GNG4: variants seen among roughly 807,000 people sequenced by gnomAD.
The protein encoded by GNG4 is guanine nucleotide-binding protein G(I)/G(S)/G(O) subunit gamma-4.
In GNG4, 4 loss-of-function variants were observed where a neutral mutation model predicts 5.8. The ratio of observed to expected loss-of-function variants is 0.69; its 90% CI spans 0.34 to 1.57. The LOEUF is 1.57. Ranked by LOEUF, GNG4 falls within the 40% of genes most tolerant of loss-of-function variation. GNG4 has a pLI of 0.06. For missense variants in GNG4, 96 were observed against 95.1 expected (o/e 1.01, Z -0.04); for synonymous variants, 29 against 32.9 (o/e 0.88, Z 0.41).
intron 1 of GNG4, among the ~76,000 whole-genome samples, chr1:235,596,212 ACACACACACAC>A (rs1688121271): frequency 1.9e-5 from 2 of 105,452 alleles, no homozygotes; most frequent in African/African-American, 8.0e-5. Flanking sequence ...AACAAAATAC[ACACACACACAC>A]ACACACACAC....
At chr1:235,620,433 G>C (rs1688685957) in intron 1 of GNG4, among the ~76,000 whole-genome samples, 1 of 152,252 alleles carries the variant, frequency 6.6e-6, no homozygotes, top group South Asian at 2.1e-4. Flanking sequence ...AACTTAGTGG[G>C]GCTGGAGACA....
chr1:235,587,597 G>A (rs1463893525), intron 2 of GNG4, among the ~76,000 whole-genome samples: 1 of 1,778 alleles, frequency 5.6e-4, no homozygotes, highest in Non-Finnish European at 1.6e-3. Flanking sequence ...GTGTGAGTGT[G>A]GGAGGGCATG....
chr1:235,603,886 G>T (rs151113334), intron 1 of GNG4, among the ~76,000 whole-genome samples: 124 of 152,248 alleles, frequency 8.1e-4, no homozygotes, highest in African/African-American at 2.8e-3. Context: ...CAGACCAGCG[G>T]TTATACTTAA....
intron 1 of GNG4, among the ~76,000 whole-genome samples, chr1:235,619,366 C>T (rs919421319): frequency 2.6e-5 from 4 of 151,674 alleles, no homozygotes; most frequent in African/African-American, 7.3e-5. Flanking sequence ...CACTGCACTC[C>T]GGCCTGGGTG....
At chr1:235,635,360 G>C (rs1328852714) in intron 1 of GNG4, among the ~76,000 whole-genome samples, 1 of 152,052 alleles carries the variant, frequency 6.6e-6, no homozygotes, top group Non-Finnish European at 1.5e-5. Flanking sequence ...TTCAGGTGTG[G>C]TGGTATGCGC....
chr1:235,589,558 T>A (rs954057038), intron 2 of GNG4, among the ~76,000 whole-genome samples: 4 of 152,138 alleles, frequency 2.6e-5, no homozygotes, highest in African/African-American at 9.7e-5. Flanking sequence ...CCCACTCCCC[T>A]CGAACCTCAG....
intron 3 of GNG4, among the ~76,000 whole-genome samples, chr1:235,561,037 G>A (rs1474165887): frequency 6.6e-6 from 1 of 152,136 alleles, no homozygotes; most frequent in African/African-American, 2.4e-5. Flanking sequence ...TTGAGACGGA[G>A]TCTCACTCTG....
At chr1:235,610,164 G>A (rs1016983492) in intron 1 of GNG4, among the ~76,000 whole-genome samples, 2 of 152,060 alleles carry the variant, frequency 1.3e-5, no homozygotes, top group Admixed American at 6.5e-5. Flanking sequence ...TGACTTTGAC[G>A]ACCCACAGCA....
At position 235,619,192 on chromosome 1, in the gene GNG4, T is replaced by C. The variant is rs7540785; in HGVS notation, c.-122-23681A>G. On this transcript the variant is annotated intron_variant, in intron 1 of 3. Transcript: ENST00000391854. ...ATATATATATACACACACATATATA[T>C]ACACACACACATATATATATATACA... Among the ~76,000 whole-genome samples, 132 of 129,642 alleles carry C rather than the reference T, an allele frequency of 1.0e-3. 1 individual carries two copies. The highest frequency in any genetic ancestry group is 3.6e-3 in the African/African-American group (122 of 34,232). The allele number at this position is 129,642 out of a possible 152,430, so 85.1% of individuals were successfully genotyped here.
rs576358848 is a variant in GNG4, at chr1:235,578,168, T to C, written c.99+5572A>G. On this transcript the variant is annotated intron_variant, in intron 3 of 3. Coordinates refer to ENST00000391854, the MANE Select transcript of GNG4 (RefSeq NM_001098722.2). ...AGCTTCATACTCATTAGGGTGACTA[T>C]TATTAAAAAAACAGACATCACTAGA... is the stretch of plus-strand genomic sequence containing the variant. Among the ~76,000 whole-genome samples the C allele has an allele frequency of 2.6e-4, 39 of 152,144 alleles. 1 individual carries two copies. The highest frequency in any genetic ancestry group is 9.2e-4 in the African/African-American group (38 of 41,500).
intron 2 of GNG4, among the ~76,000 whole-genome samples, chr1:235,587,646 GGAGGGTGTTGGGTGTGT>G (rs1687841311): frequency 8.4e-6 from 1 of 119,366 alleles, no homozygotes. Context: ...TGTGAGTGTG[GGAGGGTGTTGGGTGTGT>G]GTGTGACTGT....
intron 1 of GNG4, among the ~76,000 whole-genome samples, chr1:235,623,664 T>C (rs1365712088): frequency 6.6e-6 from 1 of 152,168 alleles, no homozygotes; most frequent in Non-Finnish European, 1.5e-5. Flanking sequence ...ATACCTTGCA[T>C]CAGCTGTCCT....
intron 3 of GNG4, among the ~76,000 whole-genome samples, chr1:235,560,931 C>G (rs1037918327): frequency 1.3e-5 from 2 of 152,164 alleles, no homozygotes; most frequent in Non-Finnish European, 2.9e-5. Context: ...TCTCTAGTGA[C>G]ATGATGTTGA....
intron 3 of GNG4, among the ~76,000 whole-genome samples, chr1:235,561,786 T>G (rs1377191407): frequency 6.6e-6 from 1 of 152,240 alleles, no homozygotes; most frequent in Non-Finnish European, 1.5e-5. Flanking sequence ...CCCTTAACAG[T>G]GCTTTTCACT....
In GNG4 at chr1:235,552,133, C is replaced by A; in HGVS notation, c.204G>T (p.Lys68Asn). 6.2e-7 allele frequency: 1 copy of A among 1,614,004 alleles called. No individual in the cohort carries two copies. The highest frequency in any genetic ancestry group is 1.3e-5 in the African/African-American group (1 of 75,040). ...GTTAGAGAATGGTACAAAAGAACTT[C>A]TTCTCGCGAAAGGGGTTTTCTGATG... is the stretch of plus-strand genomic sequence containing the variant. ...VPASENPFRE[K>N]KFFCTIL The change falls in exon 4 of 4, where the codon AAG (lysine) becomes AAT (asparagine). Residue 68 changes from lysine (K) to asparagine (N), a missense_variant. Coordinates refer to ENST00000391854, the MANE Select transcript of GNG4 (RefSeq NM_001098722.2).
intron 1 of GNG4, among the ~76,000 whole-genome samples, chr1:235,626,603 C>A (rs1196583447): frequency 6.6e-6 from 1 of 152,188 alleles, no homozygotes. Context: ...GTCTACTGAG[C>A]AAACTCGTCA....
At chr1:235,587,090 G>A (rs569017456) in intron 2 of GNG4, among the ~76,000 whole-genome samples, 16 of 151,804 alleles carry the variant, frequency 1.1e-4, no homozygotes, top group African/African-American at 2.9e-4. Flanking sequence ...AAAGGGAGGA[G>A]GGGAGGGCTC....
intron 3 of GNG4, among the ~76,000 whole-genome samples, chr1:235,555,543 A>G (rs1686878340): frequency 1.3e-5 from 2 of 152,124 alleles, no homozygotes; most frequent in South Asian, 4.2e-4. Flanking sequence ...GCCAGGCATG[A>G]TAGTGCACAC....
chr1:235,633,926 A>G (rs1688980821), intron 1 of GNG4, among the ~76,000 whole-genome samples: 1 of 152,220 alleles, frequency 6.6e-6, no homozygotes, highest in African/African-American at 2.4e-5. Flanking sequence ...TTATAAGCAA[A>G]TAGGGAAGGA....
Sources: gnomAD v4.1 joint callset for allele counts (sites outside exome capture counted in the v4.1 genomes callset) on GRCh38, gnomAD v4.1.1 for gene constraint, MANE v1.5 for transcripts, NCBI Gene and HGNC (gene_info 2026-07-23, HGNC 2026-07-21) for gene names.